SLIT3: variants seen among roughly 807,000 people sequenced by gnomAD.
The protein encoded by SLIT3 is slit homolog 3 protein.
A neutral mutation model predicts 184.0 loss-of-function variants in SLIT3; 68 were observed. The ratio of observed to expected loss-of-function variants is 0.37; its 90% CI spans 0.30 to 0.45. SLIT3 has a LOEUF of 0.45. SLIT3 is among the 20% of genes least tolerant of loss of function. The pLI, the probability that SLIT3 is intolerant of heterozygous loss-of-function variation, is 1.00. For missense variants in SLIT3, 1,707 were observed against 2,026.0 expected, an observed-to-expected ratio of 0.84 and a Z score of 3.02; for synonymous variants, 831 against 828.6, an observed-to-expected ratio of 1.00 and a Z score of -0.05.
At chr5:169,117,991 T>G (rs757017574) in intron 4 of SLIT3, among the ~76,000 whole-genome samples, 3 of 152,200 alleles carry the variant, frequency 2.0e-5, no homozygotes, top group Non-Finnish European at 2.9e-5. Context: ...TTCTATGATG[T>G]GTGCCTTTTG....
intron 4 of SLIT3, among the ~76,000 whole-genome samples, chr5:168,936,386 C>T (rs976409714): frequency 1.3e-5 from 2 of 152,184 alleles, no homozygotes; most frequent in African/African-American, 4.8e-5. Flanking sequence ...ATGCGCACAC[C>T]ACCAAGCACA....
chr5:168,819,598 T>C (rs1294480683), intron 7 of SLIT3, among the ~76,000 whole-genome samples: 2 of 152,140 alleles, frequency 1.3e-5, no homozygotes, highest in Non-Finnish European at 2.9e-5. Context: ...GGATCACAGA[T>C]CAATGCAAAC....
Position 168,806,511 on chromosome 5 carries a change from G to C in SLIT3, c.870C>G (p.Ile290Met). ...TCAAGCCCTTTCCTCGACAGTCCACGATGTTATTGCTGCACGTGCAGGGCG... is the reference window on the plus strand; with the variant it reads ...TCAAGCCCTTTCCTCGACAGTCCACCATGTTATTGCTGCACGTGCAGGGCG... ...CPSPCTCSNNIVDCRGKGLME... is the reference protein window; with the variant it reads ...CPSPCTCSNNMVDCRGKGLME... The change falls in exon 9 of 36, where the codon ATC becomes ATG. Residue 290 changes from isoleucine (I) to methionine (M), a missense_variant. By Grantham distance (10) the Ile-to-Met change is conservative (BLOSUM62 1). Transcript: ENST00000519560. 1 of 1,614,188 alleles carries C rather than the reference G, an allele frequency of 6.2e-7. No individual in the cohort carries two copies. Among genetic ancestry groups the C allele is most frequent in the Non-Finnish European group, 8.5e-7 (1 of 1,180,016 alleles).
chr5:168,667,637 ATGACCCT>A (rs536685644), intron 35 of SLIT3: 6 of 152,280 alleles, frequency 3.9e-5, no homozygotes, highest in South Asian at 2.1e-4. Context: ...GAAGGGAGCC[ATGACCCT>A]TGACCCTTGA....
Position 168,711,006 on chromosome 5 carries a change from C to G in SLIT3, c.2608G>C (p.Glu870Gln). The G allele has an allele frequency of 6.3e-7, 1 of 1,578,278 alleles. No individual in the cohort carries two copies. The highest frequency in any genetic ancestry group is 8.6e-7 in the Non-Finnish European group (1 of 1,161,164). Residue 870 changes from glutamate to glutamine, a missense_variant, in exon 25 of 36, where the codon GAG becomes CAG. By Grantham distance (29) the Glu-to-Gln change is conservative. Coordinates refer to ENST00000519560, the MANE Select transcript of SLIT3 (RefSeq NM_003062.4). ...HCDCSLRWLSEWVKAGYKEPG... is the reference protein window; with the variant it reads ...HCDCSLRWLSQWVKAGYKEPG... ...TCCTTGTACCCCGCCTTCACCCACT[C>G]CGACAGCCACCGAAGACTGCAGTCA... is the stretch of plus-strand genomic sequence containing the variant.
At chr5:169,124,832 A>G (rs1348784348) in intron 4 of SLIT3, among the ~76,000 whole-genome samples, 1 of 151,902 alleles carries the variant, frequency 6.6e-6, no homozygotes, top group Non-Finnish European at 1.5e-5. Context: ...CTTCTACTTC[A>G]TGGCCTTTGT....
At chr5:169,066,942 GA>G (rs60977256) in intron 4 of SLIT3, among the ~76,000 whole-genome samples, 13,738 of 80,370 alleles carry the variant, frequency 0.17, 553 homozygotes, top group East Asian at 0.3. Context: ...TCCCTTTCCT[GA>G]AAAAAAAAAA....
intron 3 of SLIT3, among the ~76,000 whole-genome samples, chr5:169,221,285 A>G (rs1468963910): frequency 6.6e-6 from 1 of 152,212 alleles, no homozygotes; most frequent in Non-Finnish European, 1.5e-5. Flanking sequence ...ATTAGAGCAA[A>G]TATGGCTCAG....
chr5:168,740,699 G>A (rs918951428), intron 20 of SLIT3, among the ~76,000 whole-genome samples: 5 of 152,124 alleles, frequency 3.3e-5, no homozygotes, highest in Admixed American at 6.5e-5. Context: ...TGCCTTCCTC[G>A]GTGCACTTTG....
chr5:168,845,188 C>T (rs1362753166), intron 5 of SLIT3, among the ~76,000 whole-genome samples: 1 of 152,058 alleles, frequency 6.6e-6, no homozygotes, highest in Non-Finnish European at 1.5e-5. Flanking sequence ...GGGAATATAC[C>T]AATTCCAAAT....
chr5:169,106,445 C>T (rs982380748), intron 4 of SLIT3, among the ~76,000 whole-genome samples: 1 of 152,178 alleles, frequency 6.6e-6, no homozygotes, highest in Non-Finnish European at 1.5e-5. Flanking sequence ...GTGAACCCTT[C>T]CTTAGTATCT....
chr5:169,076,512 C>CCT (rs1223342352), intron 4 of SLIT3, among the ~76,000 whole-genome samples: 3 of 151,972 alleles, frequency 2.0e-5, no homozygotes, highest in Non-Finnish European at 2.9e-5. Context: ...CTTCTCCCTA[C>CCT]CTCTCTCTCT....
chr5:168,873,355 T>C (rs1196261575), intron 5 of SLIT3, among the ~76,000 whole-genome samples: 2 of 151,754 alleles, frequency 1.3e-5, no homozygotes, highest in East Asian at 3.9e-4. Flanking sequence ...ATATGGCCGG[T>C]ATAGTGACTC....
intron 4 of SLIT3, among the ~76,000 whole-genome samples, chr5:169,001,465 T>C (rs1473252597): frequency 6.6e-6 from 1 of 152,162 alleles, no homozygotes; most frequent in Admixed American, 6.5e-5. Flanking sequence ...TACAGGCACA[T>C]AGGCGGGTCA....
chr5:168,713,693 TTGG>T (rs1762632095), intron 23 of SLIT3, among the ~76,000 whole-genome samples: 1 of 152,218 alleles, frequency 6.6e-6, no homozygotes, highest in Non-Finnish European at 1.5e-5. Context: ...TAGCTTGCCC[TTGG>T]TCTTCAGCTG....
intron 2 of SLIT3, among the ~76,000 whole-genome samples, chr5:169,245,092 A>G (rs1328914975): frequency 1.3e-5 from 2 of 152,206 alleles, no homozygotes; most frequent in Admixed American, 6.5e-5. Context: ...TGCTCTTTAT[A>G]AAAACCACAC....
intron 4 of SLIT3, among the ~76,000 whole-genome samples, chr5:169,185,437 GGGGCA>G (rs1763300304): frequency 6.6e-6 from 1 of 152,072 alleles, no homozygotes; most frequent in African/African-American, 2.4e-5. Flanking sequence ...TTCAGGCAGG[GGGGCA>G]GCCTCTGAAG....
intron 8 of SLIT3, among the ~76,000 whole-genome samples, chr5:168,814,217 G>A (rs1249878113): frequency 6.6e-6 from 1 of 152,138 alleles, no homozygotes; most frequent in Non-Finnish European, 1.5e-5. Context: ...CCAACATGGT[G>A]AAACCCCATC....
intron 4 of SLIT3, among the ~76,000 whole-genome samples, chr5:168,991,141 C>G (rs1755311371): frequency 6.6e-6 from 1 of 152,228 alleles, no homozygotes; most frequent in South Asian, 2.1e-4. Context: ...TCAAGAATAT[C>G]TAACTATAGT....
Sources: gnomAD v4.1 joint callset for allele counts (sites outside exome capture counted in the v4.1 genomes callset) on GRCh38, gnomAD v4.1.1 for gene constraint, MANE v1.5 for transcripts, NCBI Gene and HGNC (gene_info 2026-07-23, HGNC 2026-07-21) for gene names.